Variants in SMC3 observed in about 807,000 individuals in gnomAD.
SMC3 encodes structural maintenance of chromosomes 3.
In SMC3, 20 loss-of-function variants were observed where a neutral mutation model predicts 171.8. That is an observed-to-expected ratio of 0.12 (90% CI 0.08 to 0.17). SMC3 has a LOEUF of 0.17. Among genes scored for constraint, SMC3 ranks in the 10% least tolerant of loss-of-function variants. The probability of loss-of-function intolerance (pLI) is 1.00; values close to 1 mark genes in which losing one functional copy is unlikely to be tolerated. For synonymous variants in SMC3, 464 were observed against 451.1 expected (o/e 1.03, Z -0.36); for missense variants, 543 against 1,420.4 (o/e 0.38, Z 9.93).
intron 2 of SMC3, among the ~76,000 whole-genome samples, chr10:110,572,066 T>A (rs1860880673): frequency 6.6e-6 from 1 of 152,190 alleles, no homozygotes; most frequent in South Asian, 2.1e-4. Context: ...AGTTTCAAAT[T>A]TACAGAAAAA....
At chr10:110,574,153 GT>G (rs1564788085) in intron 3 of SMC3, among the ~76,000 whole-genome samples, 1 of 152,110 alleles carries the variant, frequency 6.6e-6, no homozygotes, top group Admixed American at 6.5e-5. Flanking sequence ...TGATAGTATT[GT>G]TTTGGAAAAT....
At chr10:110,592,994 C>T in intron 17 of SMC3, 79 bp from the exon 18 acceptor site, 1 of 1,193,054 alleles carries the variant, frequency 8.4e-7, no homozygotes, top group Non-Finnish European at 1.2e-6. Context: ...ATTTGTATTT[C>T]ATAAAGATGT....
chr10:110,598,386 G>A (rs1253313975), intron 20 of SMC3, 96 bp downstream of exon 20: 26 of 1,333,762 alleles, frequency 1.9e-5, no homozygotes, highest in Non-Finnish European at 2.8e-5. Context: ...TGAATTTTAT[G>A]TTTCATTTTT....
At chr10:110,590,139 A>T in intron 15 of SMC3, 148 bp downstream of exon 15, 1 of 735,868 alleles carries the variant, frequency 1.4e-6, no homozygotes, top group East Asian at 2.7e-5. Flanking sequence ...AATGATAGAG[A>T]TTAAATAGTT....
chr10:110,593,102 G>A lies in SMC3; in HGVS notation c.1842G>A (p.Arg614=), dbSNP rs765201595. ...CTATTCCTATGATCAGCAAACTGAG[G>A]TACAATCCCAGATTTGACAAAGCTT... ...NDAIPMISKL[R]YNPRFDKAFK... Residue 614 remains arginine, a synonymous_variant, in exon 18 of 29, where the codon AGG becomes AGA. Coordinates refer to ENST00000361804, the MANE Select transcript of SMC3 (RefSeq NM_005445.4). 2.4e-5 allele frequency: 39 copies of A among 1,614,000 alleles called. No individual in the cohort carries two copies. The South Asian group carries it at 4.1e-4, about 17-fold the overall frequency.
At chr10:110,569,444 T>A (rs1201154919) in intron 2 of SMC3, among the ~76,000 whole-genome samples, 1 of 151,936 alleles carries the variant, frequency 6.6e-6, no homozygotes, top group East Asian at 1.9e-4. Flanking sequence ...AGCATAAACT[T>A]TGGAGCATAA....
chr10:110,602,237 T>A, intron 25 of SMC3, 59 bp downstream of exon 25: 3 of 1,465,654 alleles, frequency 2.0e-6, no homozygotes, highest in Non-Finnish European at 2.9e-6. Context: ...CCAGCTCTTT[T>A]CAGTTTGTAA....
At chr10:110,600,821 T>TC (rs1305448829) in intron 22 of SMC3, among the ~76,000 whole-genome samples, 1 of 152,246 alleles carries the variant, frequency 6.6e-6, no homozygotes, top group Non-Finnish European at 1.5e-5. Context: ...TAATATTTTT[T>TC]CAGTGGTGGT....
At chr10:110,593,329 T>C (rs748494307) in intron 18 of SMC3, 106 bp downstream of exon 18, 10 of 1,201,560 alleles carry the variant, frequency 8.3e-6, no homozygotes, top group Non-Finnish European at 1.2e-5. Flanking sequence ...CCCAGCACTT[T>C]GGGAGGCTGA....
intron 22 of SMC3, 50 bp downstream of exon 22, chr10:110,600,596 A>G (rs1365828756): frequency 1.1e-6 from 1 of 907,900 alleles, no homozygotes; most frequent in Non-Finnish European, 1.8e-6. Context: ...GGTGGCCATG[A>G]CCTATTGCAA....
intron 5 of SMC3, 46 bp from the exon 6 acceptor site, chr10:110,577,789 C>G: frequency 7.4e-7 from 1 of 1,347,466 alleles, no homozygotes; most frequent in Middle Eastern, 1.8e-4. Flanking sequence ...AAAAAGTTTT[C>G]TCCTTTACTA....
Position 110,602,157 on chromosome 10 carries a change from T to A in SMC3, c.3084T>A (p.Ala1028=). ...MNVLELRKYE[A]IQLTFKQVSK... ...TACTTGAACTTCGGAAATATGAAGC[T>A]ATTCAGTTAACTTTCAAACAGGTAT... The change falls in exon 25 of 29, where the codon GCT becomes GCA. Residue 1028 remains alanine, a synonymous_variant. Coordinates refer to ENST00000361804, the MANE Select transcript of SMC3 (RefSeq NM_005445.4). The A allele has an allele frequency of 6.2e-7, 1 of 1,613,574 alleles. No homozygotes were observed. Among genetic ancestry groups the A allele is most frequent in the Non-Finnish European group, 8.5e-7 (1 of 1,179,624 alleles).
chr10:110,601,219 T>C (rs1861381960), intron 23 of SMC3, 89 bp downstream of exon 23: 1 of 939,160 alleles, frequency 1.1e-6, no homozygotes, highest in Admixed American at 1.8e-5. Flanking sequence ...GGCAGAAGCA[T>C]ATGCTAATGA....
At chr10:110,572,961 C>G (rs1021898313) in intron 2 of SMC3, among the ~76,000 whole-genome samples, 1 of 152,170 alleles carries the variant, frequency 6.6e-6, no homozygotes, top group Non-Finnish European at 1.5e-5. Flanking sequence ...CCCCTTCAAG[C>G]TGGCTCCTGT....
At chr10:110,569,658 G>A (rs1350798420) in intron 2 of SMC3, among the ~76,000 whole-genome samples, 2 of 152,080 alleles carry the variant, frequency 1.3e-5, no homozygotes, top group African/African-American at 4.8e-5. Context: ...TGTGGCACAC[G>A]TTCTTTTTCA....
chr10:110,590,216 T>C (rs1564792247), intron 15 of SMC3, among the ~76,000 whole-genome samples, 196 bp from the exon 16 acceptor site: 1 of 152,268 alleles, frequency 6.6e-6, no homozygotes, highest in Non-Finnish European at 1.5e-5. Context: ...TTAACACTAC[T>C]GTTATGGAAC....
At chr10:110,604,140 A>T in intron 28 of SMC3, 91 bp from the exon 29 acceptor site, 1 of 666,916 alleles carries the variant, frequency 1.5e-6, no homozygotes, top group Non-Finnish European at 2.6e-6. Context: ...AAATGTAGTT[A>T]AATGTAGTTG....
At chr10:110,574,834 A>G (rs981032109) in intron 3 of SMC3, among the ~76,000 whole-genome samples, 2 of 152,342 alleles carry the variant, frequency 1.3e-5, no homozygotes, top group African/African-American at 4.8e-5. Flanking sequence ...AGCTCGGTAT[A>G]GTATAAGAAG....
intron 12 of SMC3, 21 bp from the exon 13 acceptor site, chr10:110,584,162 A>G: frequency 6.2e-7 from 1 of 1,607,604 alleles, no homozygotes; most frequent in Non-Finnish European, 8.5e-7. Flanking sequence ...TTTTCATCCC[A>G]TTTGCTTCTA....
Sources: allele counts gnomAD v4.1 joint callset (sites outside exome capture counted in the v4.1 genomes callset), GRCh38; gene constraint gnomAD v4.1.1; transcripts MANE v1.5; gene names NCBI Gene and HGNC (gene_info 2026-07-23, HGNC 2026-07-21).